The following ARID4B variants were observed in gnomAD, a reference collection of about 807,000 sequenced individuals.
ARID4B encodes the protein AT-rich interaction domain 4B.
In ARID4B, 26 loss-of-function variants were observed where a neutral mutation model predicts 147.5. The ratio of observed to expected loss-of-function variants is 0.18; its 90% CI spans 0.13 to 0.24. ARID4B has a LOEUF of 0.24. ARID4B is among the 10% of genes least tolerant of loss of function. ARID4B has a pLI of 1.00. For missense variants in ARID4B, 1,179 were observed against 1,511.5 expected (o/e 0.78, Z 3.65); for synonymous variants, 512 against 507.9 (o/e 1.01, Z -0.11).
intron 19 of ARID4B, among the ~76,000 whole-genome samples, chr1:235,189,700 C>T (rs1309293563): frequency 2.6e-5 from 4 of 151,316 alleles, no homozygotes; most frequent in African/African-American, 9.7e-5. Context: ...AGTGTGAGAA[C>T]AGCCTGGGCT....
intron 2 of ARID4B, among the ~76,000 whole-genome samples, chr1:235,263,543 A>G (rs1670414673): frequency 6.6e-6 from 1 of 152,194 alleles, no homozygotes; most frequent in African/African-American, 2.4e-5. Flanking sequence ...CTTCAACAAT[A>G]TAAAAATCCG....
At chr1:235,206,178 TA>T (rs1226101718) in intron 17 of ARID4B, among the ~76,000 whole-genome samples, 1 of 152,182 alleles carries the variant, frequency 6.6e-6, no homozygotes, top group African/African-American at 2.4e-5. Context: ...AATACTTTTC[TA>T]GATGTGGTAA....
chr1:235,255,269 A>AGATATCTC (rs1477322703), intron 5 of ARID4B, among the ~76,000 whole-genome samples: 4 of 131,712 alleles, frequency 3.0e-5, no homozygotes, highest in African/African-American at 8.4e-5. Flanking sequence ...ATAGATATAT[A>AGATATCTC]TCTCTCTCTC....
At position 235,205,031 on chromosome 1, in the gene ARID4B, G is replaced by C. The variant is rs141401840; in HGVS notation, c.1841+8738C>G. Among the ~76,000 whole-genome samples, 407 of 152,230 alleles carry C rather than the reference G, an allele frequency of 2.7e-3. 1 individual carries two copies. In the Middle Eastern group the frequency reaches 0.034, roughly 13 times the overall value. ...AGATAATGGAAACCACTGTCAAATG[G>C]TCATTTTATAGGCCTCTGACTTCTG... On this transcript the variant is annotated intron_variant, in intron 17 of 23. Transcript: ENST00000264183.
chr1:235,230,603 A>C (rs913109691), intron 10 of ARID4B, among the ~76,000 whole-genome samples: 2 of 128,138 alleles, frequency 1.6e-5, no homozygotes, highest in African/African-American at 5.8e-5. Context: ...CTAAAAAAAA[A>C]AAAAAAAAAA....
At chr1:235,274,226 A>G (rs1671166825) in intron 2 of ARID4B, among the ~76,000 whole-genome samples, 1 of 151,932 alleles carries the variant, frequency 6.6e-6, no homozygotes, top group Non-Finnish European at 1.5e-5. Flanking sequence ...ATACAAAAAA[A>G]AAAAATTAGC....
chr1:235,181,215 C>G, intron 20 of ARID4B: 1 of 834,038 alleles, frequency 1.2e-6, no homozygotes, highest in Non-Finnish European at 1.5e-6. Context: ...TCGTGAGAAA[C>G]TGCACATTAC....
At chr1:235,198,298 AT>A (rs1571952850) in intron 17 of ARID4B, among the ~76,000 whole-genome samples, 1 of 152,320 alleles carries the variant, frequency 6.6e-6, no homozygotes, top group Non-Finnish European at 1.5e-5. Flanking sequence ...TATCAATTAT[AT>A]TTTGAAGTAG....
intron 19 of ARID4B, 91 bp downstream of exon 19, chr1:235,193,922 G>A (rs2102958420): frequency 2.2e-6 from 2 of 916,452 alleles, no homozygotes; most frequent in South Asian, 3.7e-5. Context: ...AGAAAAAACA[G>A]TAGTTGGTAA....
intron 2 of ARID4B, among the ~76,000 whole-genome samples, chr1:235,282,102 A>T (rs1390952859): frequency 1.3e-5 from 2 of 152,202 alleles, no homozygotes; most frequent in Non-Finnish European, 2.9e-5. Flanking sequence ...AAGGAATTGA[A>T]AATCATCAAA....
At chr1:235,255,623 T>G in intron 5 of ARID4B, 37 bp downstream of exon 5, 1 of 1,409,862 alleles carries the variant, frequency 7.1e-7, no homozygotes, top group South Asian at 1.3e-5. Context: ...TTTGTGTAAC[T>G]AAAAACACAT....
At chr1:235,265,473 C>T (rs1269800922) in intron 2 of ARID4B, among the ~76,000 whole-genome samples, 3 of 151,752 alleles carry the variant, frequency 2.0e-5, no homozygotes, top group Non-Finnish European at 4.4e-5. Flanking sequence ...CCTAAGTGGG[C>T]GGACTGCTTG....
intron 2 of ARID4B, among the ~76,000 whole-genome samples, chr1:235,264,377 T>A (rs1670470020): frequency 6.6e-6 from 1 of 152,202 alleles, no homozygotes; most frequent in African/African-American, 2.4e-5. Context: ...ATCAAATCCA[T>A]AACTGAGGTG....
chr1:235,292,916 A>G (rs935385644), intron 2 of ARID4B, among the ~76,000 whole-genome samples: 7 of 152,214 alleles, frequency 4.6e-5, no homozygotes, highest in Admixed American at 3.3e-4. Flanking sequence ...AGAACTACAT[A>G]GTCAAGAAGA....
chr1:235,320,002 C>A (rs2103303499), intron 2 of ARID4B, among the ~76,000 whole-genome samples: 1 of 152,234 alleles, frequency 6.6e-6, no homozygotes, highest in Admixed American at 6.5e-5. Flanking sequence ...TGGCACATGC[C>A]TGTAGTCCCA....
At chr1:235,192,703 T>A (rs1665198212) in intron 19 of ARID4B, among the ~76,000 whole-genome samples, 1 of 152,220 alleles carries the variant, frequency 6.6e-6, no homozygotes, top group Non-Finnish European at 1.5e-5. Context: ...CATAGATATG[T>A]CCCCTTCCCT....
Position 235,181,615 on chromosome 1 carries a change from TACTACTGCTTGA to T in ARID4B, c.3292_3303del (p.Ser1098_Ser1101del). ...TCAGGATGTTCTGGTTCTGGCTGAT[TACTACTGCTTGA>T]GCTCACACTGGCATCAAAACCTGCT... On this transcript the variant is annotated inframe_deletion, in exon 20 of 24. Transcript: ENST00000264183. 6.2e-7 allele frequency: 1 copy of T among 1,613,578 alleles called. No homozygotes were observed. Among genetic ancestry groups the T allele is most frequent in the Non-Finnish European group, 8.5e-7 (1 of 1,180,030 alleles).
chr1:235,316,412 G>A (rs1448686379), intron 2 of ARID4B, among the ~76,000 whole-genome samples: 2 of 152,214 alleles, frequency 1.3e-5, no homozygotes, highest in South Asian at 2.1e-4. Context: ...TGGAAGCTGA[G>A]GCAGGAGAAT....
At chr1:235,189,426 C>CAAA (rs1664930312) in intron 19 of ARID4B, among the ~76,000 whole-genome samples, 1 of 113,308 alleles carries the variant, frequency 8.8e-6, no homozygotes, top group African/African-American at 3.6e-5. Context: ...AAAAAAAAAT[C>CAAA]ATTGAAAACT....
Sources: allele counts gnomAD v4.1 joint callset (sites outside exome capture counted in the v4.1 genomes callset), GRCh38; gene constraint gnomAD v4.1.1; transcripts MANE v1.5; gene names NCBI Gene and HGNC (gene_info 2026-07-23, HGNC 2026-07-21).